The following NEBL variants were observed in gnomAD, a reference collection of about 807,000 sequenced individuals.
NEBL encodes nebulette, also known as LIM and SH3 protein 2.
NEBL carries 122 observed loss-of-function variants against 140.2 expected under a neutral mutation model. The ratio of observed to expected loss-of-function variants is 0.87; its 90% CI spans 0.75 to 1.01. The LOEUF (loss-of-function observed/expected upper bound fraction) is 1.01, where lower values mean the gene tolerates loss of function less well. NEBL is among the 50% of genes least tolerant of loss of function. The probability of loss-of-function intolerance (pLI) is 0.00; values close to 1 mark genes in which losing one functional copy is unlikely to be tolerated. For synonymous variants in NEBL, 436 were observed against 398.9 expected (o/e 1.09, Z -1.11); for missense variants, 1,365 against 1,231.3 (o/e 1.11, Z -1.62).
At chr10:21,087,471 C>G (rs1836690326) in intron 2 of NEBL, among the ~76,000 whole-genome samples, 1 of 152,158 alleles carries the variant, frequency 6.6e-6, no homozygotes, top group African/African-American at 2.4e-5. Flanking sequence ...GTCTCTGTCT[C>G]TCCTCTTTTT....
At chr10:21,119,370 T>C (rs556902886) in intron 2 of NEBL, among the ~76,000 whole-genome samples, 20 of 151,866 alleles carry the variant, frequency 1.3e-4, no homozygotes, top group Admixed American at 1.3e-3. Context: ...ATATTTGCTT[T>C]ATATACATAC....
chr10:21,091,451 C>CA (rs1264358824), intron 2 of NEBL, among the ~76,000 whole-genome samples: 1 of 152,084 alleles, frequency 6.6e-6, no homozygotes, highest in Non-Finnish European at 1.5e-5. Context: ...ATGTATGAGA[C>CA]AAATAGGCAG....
chr10:20,787,285 G>C lies in NEBL; in HGVS notation c.2785C>G (p.Gln929Glu). The C allele has an allele frequency of 6.2e-7, 1 of 1,613,326 alleles. No homozygotes were observed. Among genetic ancestry groups the C allele is most frequent in the Non-Finnish European group, 8.5e-7 (1 of 1,179,604 alleles). ...CCATAGCCTTGGGAATGGCTTTGCT[G>C]ATAGGCTCCGGGAAGAACAGGTGCT... is the stretch of plus-strand genomic sequence containing the variant. The part of the protein sequence containing the change: ...EGAPVLPGAY[Q>E]QSHSQGYGYM... Residue 929 changes from glutamine to glutamate, a missense_variant, in exon 27 of 28, where the codon CAG becomes GAG. Coordinates refer to ENST00000377122, the MANE Select transcript of NEBL (RefSeq NM_006393.3).
intron 3 of NEBL, among the ~76,000 whole-genome samples, chr10:21,208,159 A>G (rs1841858883): frequency 1.3e-5 from 2 of 152,150 alleles, no homozygotes; most frequent in Non-Finnish European, 2.9e-5. Context: ...GGGCTAGGAA[A>G]TTGGGGTCAT....
chr10:21,134,270 C>T (rs1839245661), intron 2 of NEBL, among the ~76,000 whole-genome samples: 1 of 152,008 alleles, frequency 6.6e-6, no homozygotes, highest in Non-Finnish European at 1.5e-5. Context: ...TTTTCCATCC[C>T]ACTGGAAAAT....
chr10:21,102,299 A>C (rs1487102097), intron 2 of NEBL, among the ~76,000 whole-genome samples: 3 of 152,190 alleles, frequency 2.0e-5, no homozygotes, highest in African/African-American at 7.2e-5. Flanking sequence ...TATAATGCAT[A>C]TATTTAGAGT....
chr10:20,823,085 A>G, intron 19 of NEBL, 123 bp downstream of exon 19: 1 of 702,366 alleles, frequency 1.4e-6, no homozygotes, highest in Non-Finnish European at 2.4e-6. Context: ...CTCCACTTTT[A>G]AGGAACCGAT....
chr10:20,817,448 C>G, intron 21 of NEBL, 152 bp downstream of exon 21: 1 of 743,470 alleles, frequency 1.3e-6, no homozygotes, highest in Non-Finnish European at 2.3e-6. Context: ...CCCACAATAC[C>G]AAAGTCCCCG....
chr10:20,843,543 T>A (rs1215526724), intron 12 of NEBL, among the ~76,000 whole-genome samples: 1 of 122,534 alleles, frequency 8.2e-6, no homozygotes, highest in Admixed American at 7.5e-5. Flanking sequence ...AAAAAGATTC[T>A]CCTTTAAAAA....
At chr10:20,862,787 CAAAT>C (rs958858674) in intron 7 of NEBL, among the ~76,000 whole-genome samples, 1 of 152,146 alleles carries the variant, frequency 6.6e-6, no homozygotes, top group Non-Finnish European at 1.5e-5. Context: ...ATTCTGGAAA[CAAAT>C]GAAGTTACTC....
At chr10:20,977,348 G>A (rs1350833344) in intron 3 of NEBL, among the ~76,000 whole-genome samples, 10 of 152,182 alleles carry the variant, frequency 6.6e-5, no homozygotes. Context: ...CTTAACCAAT[G>A]TTTGACTTGT....
chr10:20,948,503 C>G (rs1835286893), intron 4 of NEBL, among the ~76,000 whole-genome samples: 1 of 152,146 alleles, frequency 6.6e-6, no homozygotes, highest in Admixed American at 6.5e-5. Context: ...AATGCCTTAT[C>G]TGGCAAAACT....
At chr10:20,821,658 G>A (rs977049368) in intron 19 of NEBL, among the ~76,000 whole-genome samples, 2 of 152,066 alleles carry the variant, frequency 1.3e-5, no homozygotes, top group East Asian at 1.9e-4. Flanking sequence ...ATTTAATCAC[G>A]AAGTCAACTG....
At chr10:20,897,574 G>C, upstream of NEBL, 1 of 1,040,234 alleles carries the variant, frequency 9.6e-7, no homozygotes, top group Non-Finnish European at 1.2e-6. Flanking sequence ...TAGAGATTCT[G>C]GGAAAACTAC....
rs537924554 is a variant in NEBL, at chr10:21,277,544, T to G, written n.182+15286A>C. Among the ~76,000 whole-genome samples, 4 of 152,246 alleles carry G rather than the reference T, an allele frequency of 2.6e-5. No individual in the cohort carries two copies. In the South Asian group the frequency reaches 8.3e-4, roughly 32 times the overall value. On this transcript the variant is annotated intron_variant and non_coding_transcript_variant, in intron 1 of 8. Coordinates refer to the NEBL transcript ENST00000675702. ...ACCTTTCTAGGCTTCAGTTTCCACA[T>G]TGGTCAAATGGAAATAGTGATAGGA...
Position 21,056,892 on chromosome 10 carries a change from G to A in NEBL, c.165-36691C>T, listed in dbSNP as rs141044602. Among the ~76,000 whole-genome samples the A allele has an allele frequency of 3.1e-3, 470 of 152,276 alleles. 2 individuals carry two copies. Among genetic ancestry groups the A allele is most frequent in the Non-Finnish European group, 4.5e-3 (306 of 68,032 alleles). ...GTGTGGTCAGGGAGGGCTCCATGCA[G>A]TACAGCTAATCCCTTTCTTAAGCTC... is the stretch of plus-strand genomic sequence containing the variant. On this transcript the variant is annotated intron_variant, in intron 2 of 6. Transcript: ENST00000417816.
intron 2 of NEBL, among the ~76,000 whole-genome samples, chr10:21,167,871 A>G (rs973356664): frequency 3.0e-4 from 45 of 152,212 alleles, no homozygotes; most frequent in Non-Finnish European, 3.2e-4. Flanking sequence ...CCATGGTGAA[A>G]AAAATCCCAA....
chr10:21,101,282 G>T (rs1157866868), intron 2 of NEBL, among the ~76,000 whole-genome samples: 2 of 152,214 alleles, frequency 1.3e-5, no homozygotes, highest in African/African-American at 4.8e-5. Context: ...AAGGCTGCTA[G>T]GCAGCCTCAC....
chr10:21,180,019 C>A (rs1216355188), intron 3 of NEBL, among the ~76,000 whole-genome samples: 2 of 151,892 alleles, frequency 1.3e-5, no homozygotes, highest in African/African-American at 4.8e-5. Flanking sequence ...CACTTGTAAT[C>A]CTAGATACTC....
Sources: gnomAD v4.1 joint callset for allele counts (sites outside exome capture counted in the v4.1 genomes callset) on GRCh38, gnomAD v4.1.1 for gene constraint, MANE v1.5 for transcripts, NCBI Gene and HGNC (gene_info 2026-07-23, HGNC 2026-07-21) for gene names.